PHF21A: variants seen among roughly 807,000 people sequenced by gnomAD.
PHF21A encodes PHD finger protein 21A.
A neutral mutation model predicts 82.5 loss-of-function variants in PHF21A; 11 were observed. That is an observed-to-expected ratio of 0.13 (90% CI 0.08 to 0.22). PHF21A has a LOEUF of 0.22. Among genes scored for constraint, PHF21A ranks in the 10% least tolerant of loss-of-function variants. PHF21A has a pLI of 1.00. For synonymous variants in PHF21A, 297 were observed against 302.8 expected (o/e 0.98, Z 0.20); for missense variants, 579 against 837.8 (o/e 0.69, Z 3.81).
At chr11:46,018,948 C>T (rs763548993) in intron 6 of PHF21A, among the ~76,000 whole-genome samples, 2 of 152,028 alleles carry the variant, frequency 1.3e-5, no homozygotes, top group African/African-American at 4.8e-5. Flanking sequence ...TGTATCATAC[C>T]GTAAGCAGCA....
At chr11:46,062,486 T>G (rs10838552) in intron 6 of PHF21A, among the ~76,000 whole-genome samples, 22,833 of 152,134 alleles carry the variant, frequency 0.15, 3,514 homozygotes, top group East Asian at 0.62. Flanking sequence ...TGTTTTCTAA[T>G]TGTTCCTTTA....
At chr11:45,976,571 G>A (rs564059399) in intron 7 of PHF21A, among the ~76,000 whole-genome samples, 1 of 152,338 alleles carries the variant, frequency 6.6e-6, no homozygotes, top group Non-Finnish European at 1.5e-5. Flanking sequence ...GCCAAGCGCA[G>A]TGGCTCATGT....
At chr11:45,947,307 C>T (rs2091444861) in intron 14 of PHF21A, among the ~76,000 whole-genome samples, 1 of 151,890 alleles carries the variant, frequency 6.6e-6, no homozygotes. Flanking sequence ...ATGCCCAACA[C>T]ACCAAAGGAA....
chr11:45,976,217 C>T (rs1224687058), intron 7 of PHF21A, among the ~76,000 whole-genome samples: 3 of 152,130 alleles, frequency 2.0e-5, no homozygotes, highest in Non-Finnish European at 4.4e-5. Context: ...AGCTCTTTCC[C>T]CTTTGCTCTA....
At chr11:46,028,567 T>G (rs1003606989) in intron 6 of PHF21A, among the ~76,000 whole-genome samples, 2 of 147,126 alleles carry the variant, frequency 1.4e-5, no homozygotes, top group Non-Finnish European at 3.0e-5. Context: ...CTTTAAAAGC[T>G]TGCCTTTTTT....
At chr11:45,959,588 G>A (rs1361914373) in intron 10 of PHF21A, among the ~76,000 whole-genome samples, 1 of 152,166 alleles carries the variant, frequency 6.6e-6, no homozygotes, top group Non-Finnish European at 1.5e-5. Flanking sequence ...AATTGGAAAG[G>A]AAGATGTAAA....
intron 1 of PHF21A, among the ~76,000 whole-genome samples, chr11:46,094,071 C>A (rs1246001721): frequency 6.6e-6 from 1 of 152,102 alleles, no homozygotes; most frequent in Admixed American, 6.6e-5. Flanking sequence ...CAGGCTTATA[C>A]CCACAATATA....
At chr11:46,043,914 G>A (rs557540271) in intron 6 of PHF21A, among the ~76,000 whole-genome samples, 3 of 152,222 alleles carry the variant, frequency 2.0e-5, no homozygotes, top group East Asian at 1.9e-4. Flanking sequence ...AAGATGGATC[G>A]CAGCAACTGC....
Position 46,053,459 on chromosome 11 carries a change from G to A in PHF21A, c.153+23295C>T, listed in dbSNP as rs2096401155. Among the ~76,000 whole-genome samples, 5 of 152,102 alleles carry A rather than the reference G, an allele frequency of 3.3e-5. No individual in the cohort carries two copies. In the South Asian group the frequency reaches 1.0e-3, roughly 32 times the overall value. On this transcript the variant is annotated intron_variant, in intron 6 of 18. Transcript: ENST00000676320. Reference sequence around the variant, plus strand: ...CTGGGCCTAAATATTAAGTATAAATGAAATCATTCTTAAGAGGATATTTTA... The same window carrying A: ...CTGGGCCTAAATATTAAGTATAAATAAAATCATTCTTAAGAGGATATTTTA...
intron 10 of PHF21A, among the ~76,000 whole-genome samples, chr11:45,962,788 G>C (rs2135853335): frequency 6.6e-6 from 1 of 151,798 alleles, no homozygotes; most frequent in South Asian, 2.1e-4. Context: ...AGCTACTTGG[G>C]AGGTTGAGGC....
chr11:46,058,427 G>A (rs767099715), intron 6 of PHF21A, among the ~76,000 whole-genome samples: 21 of 152,192 alleles, frequency 1.4e-4, no homozygotes, highest in Non-Finnish European at 5.9e-5. Context: ...AAAAAGGGCA[G>A]GCAGGAACTT....
Position 45,978,777 on chromosome 11 carries a change from C to T in PHF21A, c.360+983G>A, listed in dbSNP as rs571869854. 3.3e-5 allele frequency among the ~76,000 whole-genome samples: 5 copies of T among 152,256 alleles called. No homozygotes were observed. The South Asian group carries it at 1.0e-3, about 32-fold the overall frequency. The stretch of plus-strand genomic sequence containing the variant: ...TCATTTGGAATATCATTTCCAAATA[C>T]GCCCTTTTTGTGTATCTTGATTGCC... On this transcript the variant is annotated intron_variant, in intron 7 of 18. Coordinates refer to ENST00000676320, the MANE Select transcript of PHF21A (RefSeq NM_001352027.3).
At position 45,950,199 on chromosome 11, in the gene PHF21A, C is replaced by G; in HGVS notation, c.1147+7G>C. 1.3e-6 allele frequency: 2 copies of G among 1,598,814 alleles called. No individual in the cohort carries two copies. The highest frequency in any genetic ancestry group is 2.2e-5 in the South Asian group (2 of 89,064). ...AAAAAGGCAGTGCCAAGAATATCTT[C>G]TCTTACCTTCTAGATGGTCATGTGT... On this transcript the variant is annotated splice_region_variant and intron_variant, in intron 12 of 18. Coordinates refer to ENST00000676320, the MANE Select transcript of PHF21A (RefSeq NM_001352027.3).
intron 6 of PHF21A, among the ~76,000 whole-genome samples, chr11:46,000,021 A>G (rs1244130706): frequency 2.0e-5 from 3 of 152,230 alleles, no homozygotes; most frequent in Admixed American, 2.0e-4. Flanking sequence ...TGATAAGTAA[A>G]AATAATGATC....
intron 6 of PHF21A, among the ~76,000 whole-genome samples, chr11:46,063,752 T>A (rs540431657): frequency 6.6e-6 from 1 of 152,286 alleles, no homozygotes; most frequent in African/African-American, 2.4e-5. Flanking sequence ...GAGTTATATA[T>A]AATTTTATCA....
At chr11:46,017,914 A>AT (rs1409275470) in intron 6 of PHF21A, among the ~76,000 whole-genome samples, 3 of 152,148 alleles carry the variant, frequency 2.0e-5, no homozygotes, top group Non-Finnish European at 4.4e-5. Context: ...AAAATTTATT[A>AT]TTTTGGTTAA....
intron 6 of PHF21A, among the ~76,000 whole-genome samples, chr11:45,996,137 T>C (rs1036704067): frequency 6.6e-6 from 1 of 151,994 alleles, no homozygotes; most frequent in African/African-American, 2.4e-5. Flanking sequence ...AGAGATGAGG[T>C]CTCACTGAAT....
At chr11:46,090,330 G>A (rs546262307) in intron 3 of PHF21A, 125 bp downstream of exon 3, 34 of 152,302 alleles carry the variant, frequency 2.2e-4, no homozygotes, top group African/African-American at 7.9e-4. Context: ...GCAAGTGGGT[G>A]TGGTAGTCTC....
intron 7 of PHF21A, among the ~76,000 whole-genome samples, chr11:45,975,327 T>C (rs868744216): frequency 1.2e-4 from 8 of 64,168 alleles, no homozygotes; most frequent in African/African-American, 2.4e-4. Flanking sequence ...GAAAACAAAA[T>C]AAAATAAAAT....
Sources: allele counts gnomAD v4.1 joint callset (sites outside exome capture counted in the v4.1 genomes callset), GRCh38; gene constraint gnomAD v4.1.1; transcripts MANE v1.5; gene names NCBI Gene and HGNC (gene_info 2026-07-23, HGNC 2026-07-21).